Variants in SLC26A3 observed in about 807,000 individuals in gnomAD.
SLC26A3 encodes the protein chloride anion exchanger.
In SLC26A3, 64 loss-of-function variants were observed where a neutral mutation model predicts 85.6. That is an observed-to-expected ratio of 0.75 (90% confidence interval 0.61 to 0.92). The LOEUF is 0.92. Among genes scored for constraint, SLC26A3 ranks in the 40% least tolerant of loss-of-function variants. The pLI is 0.00. For synonymous variants in SLC26A3, 349 were observed against 336.0 expected (o/e 1.04, Z -0.42); for missense variants, 922 against 927.3 (o/e 0.99, Z 0.07).
At position 107,767,891 on chromosome 7, in the gene SLC26A3, GCTT is replaced by G; in HGVS notation, c.2077_2079del (p.Lys693del). ...CCATCAAAAAATTCATACCGGTTAAGCTTCTCAATGAAGTCATCTGAAGAGAAA... is the reference window on the plus strand; with the variant it reads ...CCATCAAAAAATTCATACCGGTTAAGCTCAATGAAGTCATCTGAAGAGAAA... On this transcript the variant is annotated inframe_deletion, in exon 19 of 21. Transcript: ENST00000340010. 6.2e-7 allele frequency: 1 copy of G among 1,613,512 alleles called. No homozygotes were observed. Among genetic ancestry groups the G allele is most frequent in the Non-Finnish European group, 8.5e-7 (1 of 1,179,682 alleles).
chr7:107,788,784 C>CTTTT (rs71861759), intron 6 of SLC26A3, among the ~76,000 whole-genome samples: 23 of 107,974 alleles, frequency 2.1e-4, no homozygotes, highest in South Asian at 3.2e-4. Context: ...TTTTTCTTTT[C>CTTTT]TTTTTTTTTT....
intron 1 of SLC26A3, among the ~76,000 whole-genome samples, chr7:107,795,029 C>T (rs1276687345): frequency 6.6e-6 from 1 of 151,978 alleles, no homozygotes; most frequent in Admixed American, 6.6e-5. Context: ...GTTTTTTTTA[C>T]CTTGTAAAAT....
At position 107,791,816 on chromosome 7, in the gene SLC26A3, A is replaced by G. The variant is rs370563663; in HGVS notation, c.382+14T>C. 6.0e-6 allele frequency: 9 copies of G among 1,508,542 alleles called. No individual in the cohort carries two copies. Among genetic ancestry groups the G allele is most frequent in the South Asian group, 1.1e-5 (1 of 88,982 alleles). 93.4% of individuals were successfully genotyped at this position (1,508,542 alleles called of 1,614,324 possible). A position where few individuals can be genotyped will look rare whatever the true frequency, so the allele number is the denominator to read the frequency against. On this transcript the variant is annotated intron_variant, in intron 4 of 20. Transcript: ENST00000340010. ...AAACAATGTGAGCATTAATCAGCTC[A>G]GTAACTGACTTACCCACGGATATGT...
chr7:107,787,558 T>C, intron 6 of SLC26A3, 49 bp from the exon 7 acceptor site: 1 of 1,511,566 alleles, frequency 6.6e-7, no homozygotes, highest in Non-Finnish European at 9.1e-7. Context: ...TAATGCACAA[T>C]TTGGATACAA....
chr7:107,779,574 T>A, intron 12 of SLC26A3, 94 bp downstream of exon 12: 1 of 1,039,124 alleles, frequency 9.6e-7, no homozygotes, highest in Non-Finnish European at 1.5e-6. Context: ...GAAACAAAAT[T>A]TCACTTAGTT....
Position 107,783,352 on chromosome 7 carries a change from T to C in SLC26A3, c.972A>G (p.Gly324=), listed in dbSNP as rs1376182086. 6.2e-7 allele frequency: 1 copy of C among 1,613,996 alleles called. No individual in the cohort carries two copies. Among genetic ancestry groups the C allele is most frequent in the African/African-American group, 1.3e-5 (1 of 74,908 alleles). Residue 324 remains glycine, a splice_region_variant and synonymous_variant, in exon 9 of 21, where the codon GGA becomes GGG. Transcript: ENST00000340010. ...CGTCAGGTGTAATAGGGGGCTGAAA[T>C]CTAAAATTGAAATTAAGCAAGTCTG... ...KVAVVGDMNP[G]FQPPITPDVE... is the part of the protein sequence containing the mutation.
rs372157278 is a variant in SLC26A3 at position 107,776,535 on chromosome 7, G to T, written c.1594C>A (p.Pro532Thr). ...NKKDYYDMYE[P>T]EGVKIFRCPS... ...CATCTGAAAATTTTCACTCCTTCTGGCTCATACATCTGTAAGGCAGAGAAG... is the reference window on the plus strand; with the variant it reads ...CATCTGAAAATTTTCACTCCTTCTGTCTCATACATCTGTAAGGCAGAGAAG... The change falls in exon 15 of 21, where the codon CCA becomes ACA. Residue 532 changes from proline to threonine, a missense_variant. Physicochemically the swap from Pro to Thr is conservative, Grantham distance 38. Coordinates refer to ENST00000340010, the MANE Select transcript of SLC26A3 (RefSeq NM_000111.3). 1.2e-6 allele frequency: 2 copies of T among 1,613,658 alleles called. No individual in the cohort carries two copies. The highest frequency in any genetic ancestry group is 1.7e-6 in the Non-Finnish European group (2 of 1,179,578).
In SLC26A3 at chr7:107,793,786, T is replaced by A. The variant is rs1180620335; in HGVS notation, c.227A>T (p.Asp76Val). ...CCCTGTGCTGATACCAGAAACAATA[T>A]CACTGAGCAACCATTCTTTAAGCCG... ...AYRLKEWLLSDIVSGISTGIV... is the reference protein window; with the variant it reads ...AYRLKEWLLSVIVSGISTGIV... Residue 76 changes from aspartate (D) to valine (V), a missense_variant, in exon 3 of 21, where the codon GAT becomes GTT. Physicochemically the swap from Asp to Val is radical, Grantham distance 152. Transcript: ENST00000340010. 6.2e-7 allele frequency: 1 copy of A among 1,614,002 alleles called. No individual in the cohort carries two copies. The highest frequency in any genetic ancestry group is 1.3e-5 in the African/African-American group (1 of 74,918).
chr7:107,796,764 C>A (rs1032667466), intron 1 of SLC26A3, among the ~76,000 whole-genome samples: 15 of 137,076 alleles, frequency 1.1e-4, no homozygotes, highest in African/African-American at 4.0e-4. Flanking sequence ...TTTGAAGGAA[C>A]CAACCTAGCC....
chr7:107,801,926 A>C (rs1296524341), intron 1 of SLC26A3, among the ~76,000 whole-genome samples: 1 of 56,562 alleles, frequency 1.8e-5, no homozygotes, highest in Admixed American at 1.5e-4. Context: ...CTGAAAATAC[A>C]AAAAAAAAAA....
intron 18 of SLC26A3, 63 bp from the exon 19 acceptor site, chr7:107,767,971 G>T: frequency 1.3e-6 from 2 of 1,505,942 alleles, no homozygotes; most frequent in Non-Finnish European, 1.8e-6. Flanking sequence ...GTTTCCCCTT[G>T]AGGCTAGTAA....
At chr7:107,781,269 C>G (rs529581612) in intron 11 of SLC26A3, among the ~76,000 whole-genome samples, 1 of 152,218 alleles carries the variant, frequency 6.6e-6, no homozygotes, top group Non-Finnish European at 1.5e-5. Flanking sequence ...GCAGTGAGCA[C>G]TCAATAAATA....
At chr7:107,796,810 T>A (rs1794509862) in intron 1 of SLC26A3, among the ~76,000 whole-genome samples, 1 of 151,908 alleles carries the variant, frequency 6.6e-6, no homozygotes, top group African/African-American at 2.4e-5. Flanking sequence ...CACTGTGCAT[T>A]TGTACTTCTG....
chr7:107,767,638 C>G lies in SLC26A3; in HGVS notation c.2212G>C (p.Asp738His). 2 of 1,610,408 alleles carry G rather than the reference C, an allele frequency of 1.2e-6. No homozygotes were observed. Among genetic ancestry groups the G allele is most frequent in the Non-Finnish European group, 1.7e-6 (2 of 1,177,012 alleles). Residue 738 changes from aspartate (D) to histidine (H), a missense_variant, in exon 20 of 21, where the codon GAT (aspartate) becomes CAT (histidine). Transcript: ENST00000340010. The stretch of plus-strand genomic sequence containing the variant: ...TTTATGGTAAAATCAATTTTTCCAT[C>G]TTTTTCCTGAGAAAAAGAGAATGGA... ...TSKFNPSQEK[D>H]GKIDFTINTN...
Position 107,779,689 on chromosome 7 carries a change from C to T in SLC26A3, c.1386G>A (p.Trp462Ter), listed in dbSNP as rs121913033. The change falls in exon 12 of 21, where the codon TGG becomes TGA. Residue 462 changes from tryptophan (W) to a stop codon, truncating the protein, a stop_gained. Coordinates refer to ENST00000340010, the MANE Select transcript of SLC26A3 (RefSeq NM_000111.3). LOFTEE classifies it high-confidence loss of function. ...LMQFAEIGRL[W>*]RKDKYDCLIW... The stretch of plus-strand genomic sequence containing the variant: ...TTACACAATCATATTTGTCCTTTCG[C>T]CACAATCTGCCTATTTCAGCAAACT... 1 of 1,613,804 alleles carries T rather than the reference C, an allele frequency of 6.2e-7. No homozygotes were observed. Among genetic ancestry groups the T allele is most frequent in the South Asian group, 1.1e-5 (1 of 91,078 alleles).
At chr7:107,792,851 G>T (rs1284282484) in intron 3 of SLC26A3, among the ~76,000 whole-genome samples, 1 of 152,180 alleles carries the variant, frequency 6.6e-6, no homozygotes, top group African/African-American at 2.4e-5. Flanking sequence ...TCTGACAAGG[G>T]TCTGGTATCC....
At chr7:107,795,003 C>A (rs780623611) in intron 1 of SLC26A3, among the ~76,000 whole-genome samples, 1 of 152,220 alleles carries the variant, frequency 6.6e-6, no homozygotes, top group African/African-American at 2.4e-5. Context: ...ATTTACCCAA[C>A]AGAATTTTAA....
At chr7:107,793,591 G>A in intron 3 of SLC26A3, 151 bp downstream of exon 3, 1 of 632,298 alleles carries the variant, frequency 1.6e-6, no homozygotes, top group Non-Finnish European at 2.7e-6. Flanking sequence ...ATGGGTAAGG[G>A]ATTTTTAGGG....
chr7:107,788,772 C>CTTTTTTTTTT (rs1183192106), intron 6 of SLC26A3, among the ~76,000 whole-genome samples: 1 of 136,202 alleles, frequency 7.3e-6, no homozygotes, highest in Non-Finnish European at 1.5e-5. Context: ...TTTTCTTTTT[C>CTTTTTTTTTT]TTTTTTCTTT....
Sources: allele counts gnomAD v4.1 joint callset (sites outside exome capture counted in the v4.1 genomes callset), GRCh38; gene constraint gnomAD v4.1.1; transcripts MANE v1.5; gene names NCBI Gene and HGNC (gene_info 2026-07-23, HGNC 2026-07-21).